LRRC4C: variants seen among roughly 807,000 people sequenced by gnomAD.
LRRC4C encodes the protein leucine-rich repeat-containing protein 4C.
In LRRC4C, 5 loss-of-function variants were observed where a neutral mutation model predicts 33.6. That is an observed-to-expected ratio of 0.15 (90% confidence interval 0.08 to 0.31). LRRC4C has a LOEUF of 0.31. LRRC4C is among the 10% of genes least tolerant of loss of function. LRRC4C has a pLI of 1.00. For synonymous variants in LRRC4C, 329 were observed against 302.0 expected, an observed-to-expected ratio of 1.09 and a Z score of -0.93; for missense variants, 560 against 796.7, an observed-to-expected ratio of 0.70 and a Z score of 3.58.
At chr11:40,449,649 G>A (rs1951799486) in intron 3 of LRRC4C, among the ~76,000 whole-genome samples, 1 of 152,084 alleles carries the variant, frequency 6.6e-6, no homozygotes, top group Non-Finnish European at 1.5e-5. Context: ...TTATGTCCCT[G>A]CTTCCATGAA....
chr11:40,430,265 G>T (rs181725830), intron 3 of LRRC4C, among the ~76,000 whole-genome samples: 7 of 145,352 alleles, frequency 4.8e-5, no homozygotes, highest in Non-Finnish European at 7.5e-5. Flanking sequence ...GCACGTATGG[G>T]GGGGGTTGCT....
At chr11:40,840,440 TA>T (rs1433621045) in intron 2 of LRRC4C, among the ~76,000 whole-genome samples, 1 of 152,172 alleles carries the variant, frequency 6.6e-6, no homozygotes, top group Admixed American at 6.5e-5. Context: ...AAATCTGCAT[TA>T]AAATAATGGA....
At chr11:41,388,661 T>C (rs1364948955) in intron 1 of LRRC4C, among the ~76,000 whole-genome samples, 1 of 151,740 alleles carries the variant, frequency 6.6e-6, no homozygotes, top group Non-Finnish European at 1.5e-5. Flanking sequence ...GAATTACAAA[T>C]CATTTCAGCT....
At chr11:41,129,050 C>T (rs1351197089) in intron 1 of LRRC4C, among the ~76,000 whole-genome samples, 3 of 151,794 alleles carry the variant, frequency 2.0e-5, no homozygotes, top group Admixed American at 2.0e-4. Context: ...CAGATATTGC[C>T]TGACAAATGC....
At chr11:40,348,583 A>G (rs1488518539) in intron 3 of LRRC4C, among the ~76,000 whole-genome samples, 1 of 152,098 alleles carries the variant, frequency 6.6e-6, no homozygotes, top group Non-Finnish European at 1.5e-5. Context: ...AGTTATGGGG[A>G]CATTCTCATG....
chr11:41,040,022 C>T (rs186432497), intron 1 of LRRC4C, among the ~76,000 whole-genome samples: 44 of 151,220 alleles, frequency 2.9e-4, no homozygotes, highest in Non-Finnish European at 5.6e-4. Context: ...CCTGTAGTCA[C>T]AGCTACTCGG....
intron 3 of LRRC4C, among the ~76,000 whole-genome samples, chr11:40,380,710 T>C (rs1200447905): frequency 6.6e-6 from 1 of 152,226 alleles, no homozygotes; most frequent in African/African-American, 2.4e-5. Flanking sequence ...ATCACCAGTG[T>C]AAATATATTT....
intron 5 of LRRC4C, among the ~76,000 whole-genome samples, chr11:40,170,922 C>T (rs980773880): frequency 1.3e-5 from 2 of 152,272 alleles, no homozygotes; most frequent in South Asian, 2.1e-4. Flanking sequence ...GCCTTTTACA[C>T]GCTAATAAAT....
At chr11:41,319,389 T>A (rs574712078) in intron 1 of LRRC4C, among the ~76,000 whole-genome samples, 265 of 152,358 alleles carry the variant, frequency 1.7e-3, no homozygotes, top group African/African-American at 6.2e-3. Flanking sequence ...AGCATTCCTG[T>A]GGTCAGACTT....
At chr11:40,388,897 G>T (rs1027702121) in intron 3 of LRRC4C, among the ~76,000 whole-genome samples, 1 of 152,248 alleles carries the variant, frequency 6.6e-6, no homozygotes, top group African/African-American at 2.4e-5. Context: ...GGAGACATCA[G>T]CCTTCTCCCC....
chr11:40,210,157 A>C (rs935428155), intron 5 of LRRC4C, among the ~76,000 whole-genome samples: 9 of 151,692 alleles, frequency 5.9e-5, no homozygotes, highest in Non-Finnish European at 1.3e-4. Context: ...TAAAAAAAAA[A>C]CTCTCAAGGC....
intron 1 of LRRC4C, among the ~76,000 whole-genome samples, chr11:41,177,773 G>A (rs1565454069): frequency 6.6e-6 from 1 of 152,140 alleles, no homozygotes; most frequent in African/African-American, 2.4e-5. Context: ...GTATTCCAAA[G>A]TGCCTTAACA....
At chr11:40,159,456 G>C (rs533219163) in intron 5 of LRRC4C, among the ~76,000 whole-genome samples, 1 of 152,090 alleles carries the variant, frequency 6.6e-6, no homozygotes, top group East Asian at 1.9e-4. Flanking sequence ...AGCTGTGTGG[G>C]ACCCACTGAA....
At chr11:41,325,017 G>A (rs1951066314) in intron 1 of LRRC4C, among the ~76,000 whole-genome samples, 1 of 152,186 alleles carries the variant, frequency 6.6e-6, no homozygotes, top group South Asian at 2.1e-4. Context: ...TTAAGTTCAT[G>A]TTGAGTGAAA....
intron 1 of LRRC4C, among the ~76,000 whole-genome samples, chr11:41,226,904 G>A (rs1461861780): frequency 6.6e-6 from 1 of 151,930 alleles, no homozygotes; most frequent in Non-Finnish European, 1.5e-5. Context: ...ATACGTACAT[G>A]ATTTTTCCTT....
At chr11:41,405,817 C>T (rs1375553362) in intron 1 of LRRC4C, among the ~76,000 whole-genome samples, 1 of 152,014 alleles carries the variant, frequency 6.6e-6, no homozygotes, top group African/African-American at 2.4e-5. Flanking sequence ...TTATTTAACA[C>T]CTACTATGTT....
intron 1 of LRRC4C, among the ~76,000 whole-genome samples, chr11:41,069,604 G>C (rs2135415142): frequency 6.6e-6 from 1 of 152,190 alleles, no homozygotes; most frequent in Middle Eastern, 3.4e-3. Flanking sequence ...AAAATCACAA[G>C]CATTCCTACC....
chr11:40,653,127 C>A (rs1336339708), intron 2 of LRRC4C, among the ~76,000 whole-genome samples: 1 of 152,180 alleles, frequency 6.6e-6, no homozygotes, highest in Non-Finnish European at 1.5e-5. Flanking sequence ...GGCAGTTCTT[C>A]ATAGCAGGCT....
intron 1 of LRRC4C, among the ~76,000 whole-genome samples, chr11:41,439,674 T>C (rs1955550288): frequency 6.6e-6 from 1 of 152,224 alleles, no homozygotes; most frequent in Admixed American, 6.5e-5. Context: ...TAGCAGCTTG[T>C]ATGTCTTTTA....
Sources: allele counts gnomAD v4.1 joint callset (sites outside exome capture counted in the v4.1 genomes callset), GRCh38; gene constraint gnomAD v4.1.1; transcripts MANE v1.5; gene names NCBI Gene and HGNC (gene_info 2026-07-23, HGNC 2026-07-21).